Variants in KLHL29 observed in about 807,000 individuals in gnomAD.
The protein encoded by KLHL29 is kelch-like protein 29.
Under a neutral mutation model 80.4 loss-of-function variants are expected in KLHL29, and 21 were observed. The observed-to-expected ratio is 0.26, with a 90% CI of 0.19 to 0.38. The LOEUF (loss-of-function observed/expected upper bound fraction) is 0.38, where lower values mean the gene tolerates loss of function less well. KLHL29 is among the 10% of genes least tolerant of loss of function. The pLI, the probability that KLHL29 is intolerant of heterozygous loss-of-function variation, is 1.00. For synonymous variants in KLHL29, 511 were observed against 526.8 expected, an observed-to-expected ratio of 0.97 and a Z score of 0.41; for missense variants, 867 against 1,223.9, an observed-to-expected ratio of 0.71 and a Z score of 4.35.
intron 6 of KLHL29, chr2:23,691,311 T>G: frequency 3.5e-6 from 1 of 285,438 alleles, no homozygotes; most frequent in Non-Finnish European, 6.7e-6. Flanking sequence ...CGGGCTGGGA[T>G]GCGTCGGCCT....
chr2:23,543,817 C>T (rs571830274), intron 2 of KLHL29, among the ~76,000 whole-genome samples: 1 of 152,224 alleles, frequency 6.6e-6, no homozygotes, highest in South Asian at 2.1e-4. Flanking sequence ...TGGGGGAGAG[C>T]TGGCTGCTCC....
At chr2:23,395,104 T>C (rs910457992) in intron 1 of KLHL29, among the ~76,000 whole-genome samples, 1 of 152,204 alleles carries the variant, frequency 6.6e-6, no homozygotes, top group Non-Finnish European at 1.5e-5. Context: ...GTTCAAATAC[T>C]GTGAGCTCAA....
rs769363801 is a variant in KLHL29 at position 23,654,695 on chromosome 2, T to TGGGG, written c.940+11845_940+11846insGGGG. Among the ~76,000 whole-genome samples, 153 of 34,112 alleles carry TGGGG rather than the reference T, an allele frequency of 4.5e-3. 10 individuals are homozygous for TGGGG. The highest frequency in any genetic ancestry group is 8.5e-3 in the East Asian group (5 of 590). The allele number at this position is 34,112 out of a possible 152,430, so 22.4% of individuals were successfully genotyped here. A position where few individuals can be genotyped will look rare whatever the true frequency, so the allele number is the denominator to read the frequency against. The stretch of plus-strand genomic sequence containing the variant: ...CTTCTCTTCCAGAAGGGAACAGAGG[T>TGGGG]TGGGGGGGGGGGGTGGATGTTTTGT... On this transcript the variant is annotated intron_variant, in intron 5 of 13. Transcript: ENST00000486442.
intron 1 of KLHL29, among the ~76,000 whole-genome samples, chr2:23,387,546 A>G (rs1357382590): frequency 7.1e-6 from 1 of 141,656 alleles, no homozygotes; most frequent in Non-Finnish European, 1.5e-5. Flanking sequence ...TATTATTATT[A>G]TGGAAAGAAG....
At chr2:23,584,356 C>G (rs1286689857) in intron 3 of KLHL29, among the ~76,000 whole-genome samples, 2 of 152,212 alleles carry the variant, frequency 1.3e-5, no homozygotes. Flanking sequence ...GTACCCTGCT[C>G]CTGGAAACAG....
At chr2:23,521,036 A>G (rs149999020) in intron 2 of KLHL29, among the ~76,000 whole-genome samples, 1 of 148,610 alleles carries the variant, frequency 6.7e-6, no homozygotes, top group Non-Finnish European at 1.5e-5. Context: ...ATCTTCTCAG[A>G]TATTTTTCTT....
intron 1 of KLHL29, among the ~76,000 whole-genome samples, chr2:23,445,493 C>G (rs547247923): frequency 6.6e-5 from 10 of 152,290 alleles, no homozygotes; most frequent in African/African-American, 2.4e-4. Flanking sequence ...GTGGCTACCC[C>G]GGAAGGGATT....
chr2:23,564,589 G>T (rs959437026), intron 3 of KLHL29, among the ~76,000 whole-genome samples: 10 of 152,184 alleles, frequency 6.6e-5, no homozygotes, highest in Non-Finnish European at 1.3e-4. Context: ...AGCACCCCTG[G>T]CAGATTTGGG....
Position 23,669,310 on chromosome 2 carries a change from T to C in KLHL29, c.941-15089T>C, listed in dbSNP as rs1045474316. Reference sequence around the variant, plus strand: ...ACTCAGCAGAGTGCTGAGCCAAGTGTGATGGGACCACAGAGTGGCAGCTGA... The same window carrying C: ...ACTCAGCAGAGTGCTGAGCCAAGTGCGATGGGACCACAGAGTGGCAGCTGA... On this transcript the variant is annotated intron_variant, in intron 5 of 13. Coordinates refer to ENST00000486442, the MANE Select transcript of KLHL29 (RefSeq NM_052920.2). This position sits in a 1 kb window ranked among gnomAD's most constrained non-coding sequence, Gnocchi z 4.3. The C allele has an allele frequency of 5.3e-5, 8 of 152,160 alleles. No homozygotes were observed. The highest frequency in any genetic ancestry group is 1.7e-4 in the African/African-American group (7 of 41,420). 9.4% of individuals were successfully genotyped at this position (152,160 alleles called of 1,614,324 possible).
intron 2 of KLHL29, among the ~76,000 whole-genome samples, chr2:23,500,535 C>A (rs1665409130): frequency 6.6e-6 from 1 of 152,160 alleles, no homozygotes; most frequent in South Asian, 2.1e-4. Flanking sequence ...CTCCTGTCTT[C>A]CCCAGCAGAA....
chr2:23,519,782 C>T (rs936721165), intron 2 of KLHL29, among the ~76,000 whole-genome samples: 6 of 152,044 alleles, frequency 3.9e-5, no homozygotes, highest in African/African-American at 1.4e-4. Flanking sequence ...AAAGGTGGGA[C>T]AACTTGAAGC....
chr2:23,463,023 T>G (rs997537928), intron 1 of KLHL29, among the ~76,000 whole-genome samples: 1 of 151,316 alleles, frequency 6.6e-6, no homozygotes, highest in African/African-American at 2.4e-5. Context: ...TCCACTTATA[T>G]TTCATGAGTA....
Position 23,599,450 on chromosome 2 carries a change from A to G in KLHL29, c.285+36969A>G, listed in dbSNP as rs572259635. 1.0e-3 allele frequency among the ~76,000 whole-genome samples: 154 copies of G among 152,116 alleles called. 2 individuals are homozygous for G. The highest frequency in any genetic ancestry group is 3.7e-3 in the Admixed American group (56 of 15,286). On this transcript the variant is annotated intron_variant, in intron 3 of 13. Transcript: ENST00000486442. The stretch of plus-strand genomic sequence containing the variant: ...TATCATTGACTCCTAAAGTAGTGAA[A>G]TATCTTTGAATAGATATTTTAAAAA...
At chr2:23,524,712 T>C (rs1666244307) in intron 2 of KLHL29, among the ~76,000 whole-genome samples, 1 of 152,222 alleles carries the variant, frequency 6.6e-6, no homozygotes, top group South Asian at 2.1e-4. Context: ...TGTGCATGTG[T>C]CCCTCCCAAG....
intron 3 of KLHL29, among the ~76,000 whole-genome samples, chr2:23,601,507 G>A (rs543231291): frequency 6.6e-6 from 1 of 152,192 alleles, no homozygotes; most frequent in African/African-American, 2.4e-5. Context: ...GGAAAGCATG[G>A]CAGGTCTGAG....
chr2:23,527,235 C>T (rs1666354084), intron 2 of KLHL29, among the ~76,000 whole-genome samples: 1 of 152,226 alleles, frequency 6.6e-6, no homozygotes. Context: ...CCCAGCTACA[C>T]TGGACCTCTT....
intron 3 of KLHL29, among the ~76,000 whole-genome samples, chr2:23,599,206 G>A (rs1048767776): frequency 3.9e-5 from 6 of 152,150 alleles, no homozygotes; most frequent in African/African-American, 1.2e-4. Flanking sequence ...TCCAAGATAC[G>A]GGTTCAAGGC....
intron 3 of KLHL29, among the ~76,000 whole-genome samples, chr2:23,568,313 GT>G (rs530202487): frequency 2.0e-5 from 3 of 152,228 alleles, no homozygotes; most frequent in Non-Finnish European, 4.4e-5. Context: ...AAAACCTGGG[GT>G]TTTAAAGCCA....
At chr2:23,612,359 C>T (rs879613693) in intron 3 of KLHL29, among the ~76,000 whole-genome samples, 1 of 152,090 alleles carries the variant, frequency 6.6e-6, no homozygotes, top group Non-Finnish European at 1.5e-5. Flanking sequence ...ATTGCCAGCT[C>T]GGAATTCTAT....
Sources: allele counts gnomAD v4.1 joint callset (sites outside exome capture counted in the v4.1 genomes callset), GRCh38; gene constraint gnomAD v4.1.1; non-coding constraint Gnocchi (gnomAD v3.1); transcripts MANE v1.5; gene names NCBI Gene and HGNC (gene_info 2026-07-23, HGNC 2026-07-21).